IQGAP1: variants seen among roughly 807,000 people sequenced by gnomAD.
IQGAP1 encodes the protein ras GTPase-activating-like protein IQGAP1.
A neutral mutation model predicts 215.6 loss-of-function variants in IQGAP1; 66 were observed. The observed-to-expected ratio is 0.31, with a 90% confidence interval of 0.25 to 0.38. The LOEUF is 0.38. IQGAP1 is among the 10% of genes least tolerant of loss of function. IQGAP1 has a pLI of 1.00. For missense variants in IQGAP1, 1,712 were observed against 1,997.1 expected, an observed-to-expected ratio of 0.86 and a Z score of 2.72; for synonymous variants, 772 against 728.7, an observed-to-expected ratio of 1.06 and a Z score of -0.96.
intron 8 of IQGAP1, 100 bp from the exon 9 acceptor site, chr15:90,443,294 A>G (rs879540017): frequency 8.5e-6 from 6 of 705,268 alleles, no homozygotes; most frequent in Non-Finnish European, 1.5e-5. Context: ...CTACACCCAT[A>G]TTCTTGGTAG....
Position 90,482,061 on chromosome 15 carries a change from A to G in IQGAP1, c.3431A>G (p.Lys1144Arg), listed in dbSNP as rs1808465178. ...AGGAACATGCGGGCTGTGACAGACAAGTTTCTCTCAGCCATTGTCAGCTCT... is the reference window on the plus strand; with the variant it reads ...AGGAACATGCGGGCTGTGACAGACAGGTTTCTCTCAGCCATTGTCAGCTCT... ...SIRNMRAVTD[K>R]FLSAIVSSVD... The change falls in exon 27 of 38, where the codon AAG becomes AGG. Residue 1144 changes from lysine to arginine, a missense_variant. Around this residue, in one of 2 missense-constraint regions of IQGAP1, gnomAD observed 691 missense variants for 923.0 expected, o/e 0.75. Transcript: ENST00000268182. 6 of 1,614,130 alleles carry G rather than the reference A, an allele frequency of 3.7e-6. No individual in the cohort carries two copies. Among genetic ancestry groups the G allele is most frequent in the East Asian group, 4.5e-5 (2 of 44,900 alleles).
In IQGAP1 at chr15:90,496,306, CTTTTTTTTT is replaced by C. The variant is rs552222380; in HGVS notation, c.4752-905_4752-897del. ...GATCATCCAGAGAACAGCATAATCC[CTTTTTTTTT>C]TTTTTTTTTTTTTTTTTTTTGAGAC... On this transcript the variant is annotated intron_variant, in intron 36 of 37. Transcript: ENST00000268182. Among the ~76,000 whole-genome samples, 225 of 106,108 alleles carry C rather than the reference CTTTTTTTTT, an allele frequency of 2.1e-3. 10 individuals are homozygous for C. The highest frequency in any genetic ancestry group is 9.9e-3 in the African/African-American group (223 of 22,578). The allele number at this position is 106,108 out of a possible 152,430, so 69.6% of individuals were successfully genotyped here.
At chr15:90,491,604 GAC>G in intron 34 of IQGAP1, 59 bp downstream of exon 34, 1 of 1,363,548 alleles carries the variant, frequency 7.3e-7, no homozygotes. Context: ...AGGCTCGAGA[GAC>G]AGTAGCTGTT....
At position 90,441,109 on chromosome 15, in the gene IQGAP1, AAAAAAAAAAG is replaced by A. The variant is rs1465445371; in HGVS notation, c.650-383_650-374del. ...GCAACAAGAGTGAAACTCTGTCTCAAAAAAAAAAAGAAAAAAAAAGAAAGGAAGTCCTACA... is the reference window on the plus strand; with the variant it reads ...GCAACAAGAGTGAAACTCTGTCTCAAAAAAAAAAAGAAAGGAAGTCCTACA... On this transcript the variant is annotated intron_variant, in intron 7 of 37. Transcript: ENST00000268182. Among the ~76,000 whole-genome samples the A allele has an allele frequency of 1.1e-4, 6 of 55,534 alleles. No individual in the cohort carries two copies. The South Asian group carries it at 1.8e-3, about 17-fold the overall frequency. 36.4% of individuals were successfully genotyped at this position (55,534 alleles called of 152,430 possible).
intron 13 of IQGAP1, 88 bp from the exon 14 acceptor site, chr15:90,454,340 A>G: frequency 6.6e-7 from 1 of 1,515,966 alleles, no homozygotes; most frequent in Non-Finnish European, 9.1e-7. Flanking sequence ...GAATATATCA[A>G]ATGGTTGGGA....
At chr15:90,392,910 A>C (rs1169540989) in intron 2 of IQGAP1, among the ~76,000 whole-genome samples, 1 of 151,864 alleles carries the variant, frequency 6.6e-6, no homozygotes, top group Non-Finnish European at 1.5e-5. Flanking sequence ...ACGCCTGGCT[A>C]ATTTTTGTAT....
In IQGAP1 at chr15:90,466,317, T is replaced by C. The variant is rs758026869; in HGVS notation, c.1916T>C (p.Val639Ala). ...AINEAVESGD[V>A]GKTLSALRSP... ...AATGAGGCAGTAGAAAGTGGTGATG[T>C]TGGCAAAACACTGAGTGCCCTTCGC... The change falls in exon 17 of 38, where the codon GTT becomes GCT. Residue 639 changes from valine (V) to alanine (A), a missense_variant. Physicochemically the swap from Val to Ala is moderately conservative, Grantham distance 64. Around this residue, in one of 2 missense-constraint regions of IQGAP1, gnomAD observed 1,021 missense variants for 1,074.2 expected, o/e 0.95. Coordinates refer to ENST00000268182, the MANE Select transcript of IQGAP1 (RefSeq NM_003870.4). 1.1e-5 allele frequency: 17 copies of C among 1,614,198 alleles called. No individual in the cohort carries two copies. In the African/African-American group the frequency reaches 1.3e-4, roughly 13 times the overall value.
chr15:90,459,559 T>A (rs541334318), intron 15 of IQGAP1, among the ~76,000 whole-genome samples: 9 of 152,336 alleles, frequency 5.9e-5, no homozygotes, highest in Non-Finnish European at 1.0e-4. Context: ...TTTCCTTTGC[T>A]GTGGAATAAC....
At chr15:90,486,163 A>G (rs753289314) in intron 31 of IQGAP1, 31 bp downstream of exon 31, 2 of 1,494,034 alleles carry the variant, frequency 1.3e-6, no homozygotes, top group Non-Finnish European at 1.9e-6. Flanking sequence ...TGGAAGATCA[A>G]AAGGGAATGT....
At chr15:90,485,754 A>G (rs150601658) in intron 30 of IQGAP1, among the ~76,000 whole-genome samples, 244 of 152,138 alleles carry the variant, frequency 1.6e-3, no homozygotes, top group Middle Eastern at 3.4e-3. Flanking sequence ...TTCTTTCTCA[A>G]ACAGGGCACA....
chr15:90,402,417 A>T (rs1188912012), intron 2 of IQGAP1, among the ~76,000 whole-genome samples: 1 of 152,166 alleles, frequency 6.6e-6, no homozygotes, highest in Non-Finnish European at 1.5e-5. Context: ...TAAAAGCTCT[A>T]TTTCTTCTTT....
chr15:90,482,103 G>A lies in IQGAP1; in HGVS notation c.3470+3G>A, dbSNP rs1159080713. The A allele has an allele frequency of 2.5e-6, 4 of 1,614,196 alleles. No homozygotes were observed. In the South Asian group the frequency reaches 3.3e-5, roughly 13 times the overall value. On this transcript the variant is annotated splice_donor_region_variant and intron_variant, in intron 27 of 37. Transcript: ENST00000268182. ...GTCAGCTCTGTGGACAAAATCCCGT[G>A]AGTGCCATCAGTTGTCATGACCCCC...
chr15:90,440,545 C>T lies in IQGAP1; in HGVS notation c.579C>T (p.Gly193=). 1.3e-6 allele frequency: 2 copies of T among 1,570,808 alleles called. No individual in the cohort carries two copies. The highest frequency in any genetic ancestry group is 1.7e-6 in the Non-Finnish European group (2 of 1,156,264). ...TGAAGACTGAGTTGGAGAAGTATGG[C>T]ATCCAGATGCCTGCCTTTAGCAAGA... is the stretch of plus-strand genomic sequence containing the variant. ...NNMKTELEKY[G]IQMPAFSKIG... is the part of the protein sequence containing the mutation. Residue 193 remains glycine, a synonymous_variant, in exon 7 of 38, where the codon GGC becomes GGT. Transcript: ENST00000268182.
intron 2 of IQGAP1, among the ~76,000 whole-genome samples, chr15:90,392,925 A>G (rs1193080654): frequency 6.6e-6 from 1 of 151,748 alleles, no homozygotes; most frequent in African/African-American, 2.4e-5. Flanking sequence ...TTGTATCTTT[A>G]GTAGAGACTG....
Position 90,482,093 on chromosome 15 carries a change from A to G in IQGAP1, c.3463A>G (p.Lys1155Glu). ...CTCAGCCATTGTCAGCTCTGTGGACAAAATCCCGTGAGTGCCATCAGTTGT... is the reference window on the plus strand; with the variant it reads ...CTCAGCCATTGTCAGCTCTGTGGACGAAATCCCGTGAGTGCCATCAGTTGT... ...FLSAIVSSVD[K>E]IPYGMRFIAK... The change falls in exon 27 of 38, where the codon AAA becomes GAA. Residue 1155 changes from lysine to glutamate, a missense_variant. Physicochemically the swap from Lys to Glu is moderately conservative, Grantham distance 56. Transcript: ENST00000268182. 6.2e-7 allele frequency: 1 copy of G among 1,614,242 alleles called. No individual in the cohort carries two copies. Among genetic ancestry groups the G allele is most frequent in the Non-Finnish European group, 8.5e-7 (1 of 1,180,042 alleles).
At position 90,453,957 on chromosome 15, in the gene IQGAP1, T is replaced by C. The variant is rs145824294; in HGVS notation, c.1488-471T>C. ...ATCCCTGGATTAGGGAGACCACTTA[T>C]ACTTCCATTGCGTATTTACGCTTTT... On this transcript the variant is annotated intron_variant, in intron 13 of 37. Transcript: ENST00000268182. 8.7e-3 allele frequency among the ~76,000 whole-genome samples: 1,323 copies of C among 152,370 alleles called. 18 individuals carry two copies. Among genetic ancestry groups the C allele is most frequent in the African/African-American group, 0.03 (1,259 of 41,584 alleles).
At chr15:90,473,520 G>A in intron 19 of IQGAP1, 195 bp from the exon 20 acceptor site, 4 of 569,978 alleles carry the variant, frequency 7.0e-6, no homozygotes, top group Non-Finnish European at 9.4e-6. Flanking sequence ...CGTTGGGGAA[G>A]TAGAATGTAG....
At chr15:90,428,722 C>T (rs189756308) in intron 3 of IQGAP1, among the ~76,000 whole-genome samples, 19 of 149,632 alleles carry the variant, frequency 1.3e-4, no homozygotes, top group Admixed American at 1.1e-3. Flanking sequence ...GGTGAGGCTG[C>T]AGTGAGCCGA....
chr15:90,395,904 C>T (rs544917367), intron 2 of IQGAP1, among the ~76,000 whole-genome samples: 1 of 152,312 alleles, frequency 6.6e-6, no homozygotes, highest in South Asian at 2.1e-4. Context: ...CTCTGAGTTT[C>T]AGACAATTCC....
Sources: allele counts gnomAD v4.1 joint callset (sites outside exome capture counted in the v4.1 genomes callset), GRCh38; gene constraint gnomAD v4.1.1; regional missense constraint gnomAD v4.1.1; transcripts MANE v1.5; gene names NCBI Gene and HGNC (gene_info 2026-07-23, HGNC 2026-07-21).